The following RCAN3 variants were observed in gnomAD, a reference collection of about 807,000 sequenced individuals.
RCAN3 encodes the protein regulator of calcineurin 3.
In RCAN3, 19 loss-of-function variants were observed where a neutral mutation model predicts 21.9. The observed-to-expected ratio is 0.87, with a 90% CI of 0.61 to 1.27. The LOEUF (loss-of-function observed/expected upper bound fraction) is 1.27, where lower values mean the gene tolerates loss of function less well. Among genes scored for constraint, RCAN3 ranks in the 50% most tolerant of loss-of-function variants. The probability of loss-of-function intolerance (pLI) is 0.00; values close to 1 mark genes in which losing one functional copy is unlikely to be tolerated. For synonymous variants in RCAN3, 114 were observed against 112.3 expected, an observed-to-expected ratio of 1.01 and a Z score of -0.09; for missense variants, 240 against 300.1, an observed-to-expected ratio of 0.80 and a Z score of 1.48.
chr1:24,521,122 G>A (rs931227860), intron 2 of RCAN3, among the ~76,000 whole-genome samples: 2 of 152,174 alleles, frequency 1.3e-5, no homozygotes, highest in Non-Finnish European at 2.9e-5. Context: ...GAGATGGATG[G>A]AATTGAATAG....
chr1:24,529,934 T>C (rs532917240), intron 2 of RCAN3, among the ~76,000 whole-genome samples: 119 of 151,304 alleles, frequency 7.9e-4, no homozygotes, highest in Non-Finnish European at 1.5e-3. Flanking sequence ...CTCCCAGCTA[T>C]TTGGGAGGCT....
At position 24,536,721 on chromosome 1, in the gene RCAN3, G is replaced by C. The variant is rs925063790; in HGVS notation, c.*1444G>C. Reference sequence around the variant, plus strand: ...CAGAACGCAGGCATTCAACCATGACGTCTGCACAGTGTTAGTAACATGTCA... The same window carrying C: ...CAGAACGCAGGCATTCAACCATGACCTCTGCACAGTGTTAGTAACATGTCA... On this transcript the variant is annotated 3_prime_UTR_variant, in exon 5 of 5. Coordinates refer to ENST00000374395, the MANE Select transcript of RCAN3 (RefSeq NM_013441.4). 1.3e-5 allele frequency: 2 copies of C among 152,148 alleles called. No individual in the cohort carries two copies. The highest frequency in any genetic ancestry group is 4.8e-5 in the African/African-American group (2 of 41,416). The allele number at this position is 152,148 out of a possible 1,614,324, so 9.4% of individuals were successfully genotyped here.
intron 1 of RCAN3, among the ~76,000 whole-genome samples, chr1:24,506,017 T>C (rs1243259175): frequency 1.3e-5 from 2 of 152,194 alleles, no homozygotes; most frequent in African/African-American, 4.8e-5. Flanking sequence ...TCATTTGATA[T>C]TTCCATGAAG....
intron 2 of RCAN3, among the ~76,000 whole-genome samples, chr1:24,528,547 C>T (rs1398447496): frequency 6.6e-6 from 1 of 152,082 alleles, no homozygotes; most frequent in Non-Finnish European, 1.5e-5. Context: ...AAAGCTACAC[C>T]AGCTATATTA....
chr1:24,527,631 T>TAA (rs1431204613), intron 2 of RCAN3, among the ~76,000 whole-genome samples: 6 of 152,154 alleles, frequency 3.9e-5, no homozygotes, highest in Non-Finnish European at 5.9e-5. Context: ...GAGTGTATAA[T>TAA]TTGCACTTCA....
chr1:24,533,126 C>T lies in RCAN3; in HGVS notation c.413C>T (p.Pro138Leu), dbSNP rs918141676. The T allele has an allele frequency of 9.6e-6, 15 of 1,564,972 alleles. No homozygotes were observed. Among genetic ancestry groups the T allele is most frequent in the Admixed American group, 2.0e-5 (1 of 50,274 alleles). ...GTGCGGGACAAGTCCTATCTCCTGC[C>T]GCCCCAGCCTGTCAAGCAGTTCCTC... ...GEVRDKSYLL[P>L]PQPVKQFLIS... Residue 138 changes from proline to leucine, a missense_variant, in exon 4 of 5, where the codon CCG becomes CTG. Pro to Leu is a moderately conservative substitution (Grantham distance 98). Coordinates refer to ENST00000374395, the MANE Select transcript of RCAN3 (RefSeq NM_013441.4).
rs2148918581 is a variant in RCAN3 at position 24,539,266 on chromosome 1, C to G, written c.*3989C>G. 6.6e-6 allele frequency: 1 copy of G among 150,482 alleles called. No homozygotes were observed. Among genetic ancestry groups the G allele is most frequent in the Non-Finnish European group, 1.5e-5 (1 of 67,728 alleles). 9.3% of individuals were successfully genotyped at this position (150,482 alleles called of 1,614,324 possible). On this transcript the variant is annotated 3_prime_UTR_variant, in exon 5 of 5. Coordinates refer to ENST00000374395, the MANE Select transcript of RCAN3 (RefSeq NM_013441.4). The stretch of plus-strand genomic sequence containing the variant: ...AAAAAAGGCATGAGGTGGGAGGATT[C>G]TTTTTTCCCTGATGGGAAACAGTGA...
chr1:24,517,084 G>GTTTTTTTTTTTTTTTTTTTTTTT (rs11372088), intron 2 of RCAN3, among the ~76,000 whole-genome samples: 1 of 146,862 alleles, frequency 6.8e-6, no homozygotes, highest in African/African-American at 2.5e-5. Flanking sequence ...CTATTTTTTT[G>GTTTTTTTTTTTTTTTTTTTTTTT]TTTTTTTTTG....
chr1:24,514,661 G>A (rs1648151181), intron 2 of RCAN3, 94 bp downstream of exon 2: 2 of 1,253,036 alleles, frequency 1.6e-6, no homozygotes, highest in Non-Finnish European at 2.2e-6. Context: ...GACAAATTAA[G>A]TATAGAAAGT....
At position 24,535,195 on chromosome 1, in the gene RCAN3, A is replaced by C; in HGVS notation, c.644A>C (p.Lys215Thr). The C allele has an allele frequency of 6.3e-7, 1 of 1,594,976 alleles. No individual in the cohort carries two copies. The highest frequency in any genetic ancestry group is 8.5e-7 in the Non-Finnish European group (1 of 1,173,082). ...GAGGAAGAAGAGACAAAAAACCCCA[A>C]ACAGAAAATTGCCCAGACGAGGCGC... ...TEEEEETKNP[K>T]QKIAQTRRPD... is the part of the protein sequence containing the mutation. Residue 215 changes from lysine (K) to threonine (T), a missense_variant, in exon 5 of 5, where the codon AAA becomes ACA. By Grantham distance (78) the Lys-to-Thr change is moderately conservative. Transcript: ENST00000374395.
chr1:24,540,245 C>G lies in RCAN3; in HGVS notation c.*4968C>G, dbSNP rs1650428755. On this transcript the variant is annotated 3_prime_UTR_variant, in exon 5 of 5. Coordinates refer to ENST00000374395, the MANE Select transcript of RCAN3 (RefSeq NM_013441.4). ...ATCACGTTCAAAGTAGAGTTTTTAG[C>G]CAAGGTCAAGAACTAACCTGGGGCT... is the stretch of plus-strand genomic sequence containing the variant. 6.6e-6 allele frequency: 1 copy of G among 152,564 alleles called. No homozygotes were observed. The highest frequency in any genetic ancestry group is 6.5e-5 in the Admixed American group (1 of 15,300). The allele number at this position is 152,564 out of a possible 1,614,324, so 9.5% of individuals were successfully genotyped here.
At chr1:24,516,983 G>A (rs1395111611) in intron 2 of RCAN3, among the ~76,000 whole-genome samples, 1 of 151,560 alleles carries the variant, frequency 6.6e-6, no homozygotes, top group East Asian at 1.9e-4. Flanking sequence ...AGTTAACCTT[G>A]TTGTTTATTG....
intron 1 of RCAN3, among the ~76,000 whole-genome samples, chr1:24,506,222 A>AT (rs1647434063): frequency 6.6e-6 from 1 of 152,186 alleles, no homozygotes; most frequent in Non-Finnish European, 1.5e-5. Context: ...AGCTATAATT[A>AT]TACCACTGCA....
rs56914359 is a variant in RCAN3, at chr1:24,530,356, C to CAAAAA, written c.196-843_196-839dup. On this transcript the variant is annotated intron_variant, in intron 2 of 4. Coordinates refer to ENST00000374395, the MANE Select transcript of RCAN3 (RefSeq NM_013441.4). ...GGCAACAGAGTGAGACTCTTATCTC[C>CAAAAA]AAAAAAAAAAAAAAAAAAAAAAAGA... Among the ~76,000 whole-genome samples, 33 of 81,490 alleles carry CAAAAA rather than the reference C, an allele frequency of 4.0e-4. No individual in the cohort carries two copies. In the South Asian group the frequency reaches 4.1e-3, roughly 10 times the overall value. The allele number at this position is 81,490 out of a possible 152,430, so 53.5% of individuals were successfully genotyped here.
chr1:24,517,094 G>GTT (rs1396486242), intron 2 of RCAN3, among the ~76,000 whole-genome samples: 1 of 126,388 alleles, frequency 7.9e-6, no homozygotes, highest in Non-Finnish European at 1.7e-5. Context: ...GTTTTTTTTT[G>GTT]TTTTTTTTTT....
At chr1:24,505,469 TGCCTCC>T (rs1361914190) in intron 1 of RCAN3, among the ~76,000 whole-genome samples, 3 of 152,004 alleles carry the variant, frequency 2.0e-5, no homozygotes, top group Non-Finnish European at 4.4e-5. Context: ...GCAGCCCGCC[TGCCTCC>T]GCCTCCCAAA....
At chr1:24,505,223 CTCTTTTTTCTTTTTTTT>C (rs1647331786) in intron 1 of RCAN3, among the ~76,000 whole-genome samples, 3 of 84,700 alleles carry the variant, frequency 3.5e-5, no homozygotes, top group Non-Finnish European at 6.9e-5. Flanking sequence ...TTTTTTTTTT[CTCTTTTTTCTTTTTTTT>C]TTTTTTTTTT....
chr1:24,534,336 C>T (rs1238921980), intron 4 of RCAN3, among the ~76,000 whole-genome samples: 1 of 152,190 alleles, frequency 6.6e-6, no homozygotes, highest in African/African-American at 2.4e-5. Context: ...GGTGCGGTGG[C>T]TCACACCTGT....
chr1:24,503,197 GT>G (rs1200059781), intron 1 of RCAN3, 47 bp downstream of exon 1: 1 of 142,926 alleles, frequency 7.0e-6, no homozygotes, highest in African/African-American at 2.6e-5. Flanking sequence ...GGTGGGGGGG[GT>G]GGTGCATGAA....
Sources: allele counts gnomAD v4.1 joint callset (sites outside exome capture counted in the v4.1 genomes callset), GRCh38; gene constraint gnomAD v4.1.1; transcripts MANE v1.5; gene names NCBI Gene and HGNC (gene_info 2026-07-23, HGNC 2026-07-21).